LOC128706665: variants seen among roughly 807,000 people sequenced by gnomAD.
At chr20:10,424,176 A>G in the LOC128706665 span, among the ~76,000 whole-genome samples, 1 of 152,160 alleles carries the variant, frequency 6.6e-6, no homozygotes, top group Admixed American at 6.5e-5. Context: ...TCACTGAGCA[A>G]GATGGAATTA....
the LOC128706665 span, among the ~76,000 whole-genome samples, chr20:10,420,062 C>T: frequency 6.6e-6 from 1 of 151,806 alleles, no homozygotes; most frequent in Admixed American, 6.6e-5. Context: ...GGACTATAGA[C>T]CTAAATTATA....
the LOC128706665 span, among the ~76,000 whole-genome samples, chr20:10,423,765 A>G: frequency 6.6e-6 from 1 of 152,244 alleles, no homozygotes; most frequent in African/African-American, 2.4e-5. Context: ...TAACTTAAGG[A>G]TCGATGAATC....
At chr20:10,423,428 A>G in the LOC128706665 span, among the ~76,000 whole-genome samples, 2 of 152,156 alleles carry the variant, frequency 1.3e-5, no homozygotes, top group Non-Finnish European at 2.9e-5. Context: ...TCAAAAAAAC[A>G]AACCAAAAGC....
chr20:10,420,888 T>C, the LOC128706665 span: 1 of 152,196 alleles, frequency 6.6e-6, no homozygotes, highest in East Asian at 1.9e-4. Context: ...TTTTAAATTA[T>C]AATACATTGC....
chr20:10,432,185 C>T, the LOC128706665 span, among the ~76,000 whole-genome samples: 10 of 152,202 alleles, frequency 6.6e-5, no homozygotes, highest in Non-Finnish European at 1.5e-4. Context: ...TTCTCTTCAA[C>T]TTTGAAGGGC....
At chr20:10,427,029 G>GACACACACACAGAC in the LOC128706665 span, among the ~76,000 whole-genome samples, 2,163 of 130,760 alleles carry the variant, frequency 0.017, 25 homozygotes, top group South Asian at 0.026. Context: ...AGAAAACACT[G>GACACACACACAGAC]ACACACACAC....
At chr20:10,430,806 A>C in the LOC128706665 span, among the ~76,000 whole-genome samples, 717 of 152,154 alleles carry the variant, frequency 4.7e-3, 4 homozygotes, top group African/African-American at 0.016. Context: ...AATTTCATGT[A>C]TGTTTCTCTA....
chr20:10,432,703 G>A, the LOC128706665 span, among the ~76,000 whole-genome samples: 99 of 146,620 alleles, frequency 6.8e-4, no homozygotes, highest in African/African-American at 2.2e-3. Flanking sequence ...GCTAAGGCAG[G>A]GAGAATTGCT....
the LOC128706665 span, among the ~76,000 whole-genome samples, chr20:10,421,157 T>G: frequency 6.6e-6 from 1 of 152,020 alleles, no homozygotes; most frequent in African/African-American, 2.4e-5. Flanking sequence ...AGGCTGAGGG[T>G]GGTGGCTCAC....
chr20:10,420,769 G>T, the LOC128706665 span: 2 of 152,136 alleles, frequency 1.3e-5, no homozygotes. Context: ...CTAAGAAAAG[G>T]TTACAGTTAG....
the LOC128706665 span, among the ~76,000 whole-genome samples, chr20:10,418,404 A>T: frequency 6.6e-6 from 1 of 152,302 alleles, no homozygotes; most frequent in Admixed American, 6.5e-5. Context: ...CATGTATGTA[A>T]TTTTCCATAA....
At chr20:10,417,669 TGTA>T in the LOC128706665 span, among the ~76,000 whole-genome samples, 2 of 52,822 alleles carry the variant, frequency 3.8e-5, no homozygotes, top group Non-Finnish European at 7.6e-5. Flanking sequence ...TAGCCTTCTC[TGTA>T]AAAAAAAAAA....
the LOC128706665 span, among the ~76,000 whole-genome samples, chr20:10,414,121 C>T: frequency 6.6e-6 from 1 of 152,140 alleles, no homozygotes; most frequent in African/African-American, 2.4e-5. Context: ...AATAAATCCC[C>T]TCTACAAGAA....
At chr20:10,419,588 C>A in the LOC128706665 span, among the ~76,000 whole-genome samples, 1 of 152,168 alleles carries the variant, frequency 6.6e-6, no homozygotes. Context: ...CTTGTACATA[C>A]ATACCTATGA....
chr20:10,427,666 T>C, the LOC128706665 span, among the ~76,000 whole-genome samples: 1 of 152,278 alleles, frequency 6.6e-6, no homozygotes, highest in Non-Finnish European at 1.5e-5. Context: ...GGTCTTCAAC[T>C]GTGCTATGAA....
chr20:10,433,107 G>GATTCAAGCT, the LOC128706665 span, among the ~76,000 whole-genome samples: 2 of 152,216 alleles, frequency 1.3e-5, no homozygotes, highest in African/African-American at 4.8e-5. Flanking sequence ...GGGCTCAAGC[G>GATTCAAGCT]ATTCTCCTGC....
At chr20:10,415,886 AGTG>A in the LOC128706665 span, among the ~76,000 whole-genome samples, 1 of 152,064 alleles carries the variant, frequency 6.6e-6, no homozygotes, top group Non-Finnish European at 1.5e-5. Flanking sequence ...AATCACTGAA[AGTG>A]GTAGTGACTC....
chr20:10,429,149 C>T, the LOC128706665 span, among the ~76,000 whole-genome samples: 1 of 152,266 alleles, frequency 6.6e-6, no homozygotes, highest in East Asian at 1.9e-4. Flanking sequence ...CTTCCCATTC[C>T]ATCTTCAAAC....
chr20:10,421,140 T>C, the LOC128706665 span, among the ~76,000 whole-genome samples: 1 of 152,194 alleles, frequency 6.6e-6, no homozygotes, highest in South Asian at 2.1e-4. Flanking sequence ...TTAAAAATTA[T>C]AATTACAGGC....
Sources: gnomAD v4.1 joint callset for allele counts (sites outside exome capture counted in the v4.1 genomes callset) on GRCh38, gnomAD v4.1.1 for gene constraint, MANE v1.5 for transcripts.